LMNTD2: variants seen among roughly 807,000 people sequenced by gnomAD.
LMNTD2 encodes lamin tail domain containing 2, also known as lamin tail domain-containing protein 2.
A neutral mutation model predicts 70.1 loss-of-function variants in LMNTD2; 83 were observed. The ratio of observed to expected loss-of-function variants is 1.18; its 90% CI spans 0.99 to 1.42. The LOEUF is 1.42. Among genes scored for constraint, LMNTD2 ranks in the 40% most tolerant of loss-of-function variants. The probability of loss-of-function intolerance (pLI) is 0.00; values close to 1 mark genes in which losing one functional copy is unlikely to be tolerated. For missense variants in LMNTD2, 1,153 were observed against 905.9 expected, an observed-to-expected ratio of 1.27 and a Z score of -3.50; for synonymous variants, 534 against 406.1, an observed-to-expected ratio of 1.31 and a Z score of -3.79.
At position 555,982 on chromosome 11, in the gene LMNTD2, G is replaced by A. The variant is rs1349626456; in HGVS notation, c.1377+14C>T. ...ACCCCAGCCCCGGCCGCCCCACCGG[G>A]GACCCGCACCGACCTCGCCCTTGGG... On this transcript the variant is annotated intron_variant, in intron 11 of 13. Transcript: ENST00000329451. 4 of 1,556,788 alleles carry A rather than the reference G, an allele frequency of 2.6e-6. No homozygotes were observed. Among genetic ancestry groups the A allele is most frequent in the Admixed American group, 1.8e-5 (1 of 55,002 alleles).
chr11:559,254 C>A (rs1206234779), intron 1 of LMNTD2: 2 of 1,495,146 alleles, frequency 1.3e-6, no homozygotes, highest in Non-Finnish European at 1.8e-6. Context: ...GCGTGTACCC[C>A]TGCCACCCAG....
rs750826002 is a variant in LMNTD2, at chr11:556,216, C to G, written c.1233G>C (p.Leu411=). The change falls in exon 10 of 14, where the codon CTG becomes CTC. Residue 411 remains leucine, a synonymous_variant. Coordinates refer to ENST00000329451, the MANE Select transcript of LMNTD2 (RefSeq NM_173573.3). ...CCGTGACGTGGTGCCGCGGGGCCAG[C>G]AGCGTGCCCGGCGGGAAGCGGTACA... is the stretch of plus-strand genomic sequence containing the variant. ...ERLYRFPPGT[L]LAPRHHVTVW... is the part of the protein sequence containing the mutation. 1 of 1,485,874 alleles carries G rather than the reference C, an allele frequency of 6.7e-7. No homozygotes were observed. Among genetic ancestry groups the G allele is most frequent in the South Asian group, 1.3e-5 (1 of 78,894 alleles). 92.0% of individuals were successfully genotyped at this position (1,485,874 alleles called of 1,614,324 possible). A position where few individuals can be genotyped will look rare whatever the true frequency, so the allele number is the denominator to read the frequency against.
In LMNTD2 at chr11:556,883, A is replaced by G. The variant is rs188149380; in HGVS notation, c.928T>C (p.Ser310Pro). 1.8e-4 allele frequency: 289 copies of G among 1,594,830 alleles called. 3 individuals carry two copies. The Admixed American group carries it at 4.9e-3, about 27-fold the overall frequency. Reference protein sequence around the residue: ...GHPPRDHRASSEQALVQAGSY... With the variant: ...GHPPRDHRASPEQALVQAGSY... ...CCGGCCTGCACCAGCGCTTGCTCGG[A>G]GGAAGCGCGGTGGTCCCGGGGCGGG... The change falls in exon 8 of 14, where the codon TCC (serine) becomes CCC (proline). Residue 310 changes from serine to proline, a missense_variant. Coordinates refer to ENST00000329451, the MANE Select transcript of LMNTD2 (RefSeq NM_173573.3).
rs1461064850 is a variant in LMNTD2, at chr11:555,762, C to T, written c.1546G>A (p.Glu516Lys). 6.9e-6 allele frequency: 10 copies of T among 1,442,904 alleles called. No homozygotes were observed. Among genetic ancestry groups the T allele is most frequent in the Admixed American group, 6.5e-5 (2 of 30,630 alleles). The allele number at this position is 1,442,904 out of a possible 1,614,324, so 89.4% of individuals were successfully genotyped here. ...GGTCTCCGGCGACTGACCCGGGGCT[C>T]CCGCACCCGGCCTTTGCGCAGGGGT... ...PRPLRKGRVR[E>K]PRVSRRRPGT... Residue 516 changes from glutamate (E) to lysine (K), a missense_variant, in exon 12 of 14, where the codon GAG becomes AAG. Transcript: ENST00000329451.
rs946116515 is a variant in LMNTD2 at position 556,641 on chromosome 11, G to A, written c.977-53C>T. On this transcript the variant is annotated intron_variant, in intron 8 of 13. Transcript: ENST00000329451. ...GGACCCTCGAATGGAGTCCCCACCG[G>A]ATGTTCCCCGTGAGGTCAGAACAGG... The A allele has an allele frequency of 2.8e-6, 4 of 1,440,750 alleles. No individual in the cohort carries two copies. In the African/African-American group the frequency reaches 4.3e-5, roughly 15 times the overall value. The allele number at this position is 1,440,750 out of a possible 1,614,324, so 89.2% of individuals were successfully genotyped here. A position where few individuals can be genotyped will look rare whatever the true frequency, so the allele number is the denominator to read the frequency against.
rs758028595 is a variant in LMNTD2, at chr11:556,520, C to T, written c.1045G>A (p.Asp349Asn). 6.4e-7 allele frequency: 1 copy of T among 1,556,268 alleles called. No homozygotes were observed. Among genetic ancestry groups the T allele is most frequent in the East Asian group, 2.4e-5 (1 of 41,528 alleles). ...TGCAGGAGTTCCGGGCTCCAGTGGT[C>T]CGGGTCTGTGCAGGGCTGGGGCGAC... ...VLSPQPCTDPDHWSPELLQSP... is the reference protein window; with the variant it reads ...VLSPQPCTDPNHWSPELLQSP... The change falls in exon 9 of 14, where the codon GAC (aspartate) becomes AAC (asparagine). Residue 349 changes from aspartate (D) to asparagine (N), a missense_variant. Asp to Asn is a conservative substitution (Grantham distance 23). Coordinates refer to ENST00000329451, the MANE Select transcript of LMNTD2 (RefSeq NM_173573.3).
Position 556,967 on chromosome 11 carries a change from C to CAGCG in LMNTD2, c.840_843dup (p.Asp282ArgfsTer2), listed in dbSNP as rs1564816466. On this transcript the variant is annotated frameshift_variant, in exon 8 of 14. Coordinates refer to ENST00000329451, the MANE Select transcript of LMNTD2 (RefSeq NM_173573.3). LOFTEE classifies it high-confidence loss of function. ...GGCCGGCAGCTGCTGGAGTCGGAGT[C>CAGCG]AGCGCCCCCTGAGCTGCTGGTGTTC... 1 of 1,605,802 alleles carries CAGCG rather than the reference C, an allele frequency of 6.2e-7. No individual in the cohort carries two copies. The highest frequency in any genetic ancestry group is 1.7e-5 in the Admixed American group (1 of 59,684).
intron 6 of LMNTD2, 37 bp downstream of exon 6, chr11:557,535 C>T: frequency 6.2e-7 from 1 of 1,613,466 alleles, no homozygotes; most frequent in Non-Finnish European, 8.5e-7. Flanking sequence ...CGCAGGGCTC[C>T]AGATACCAGA....
Position 556,337 on chromosome 11 carries a change from T to C in LMNTD2, c.1112A>G (p.Glu371Gly). 19 of 1,535,790 alleles carry C rather than the reference T, an allele frequency of 1.2e-5. No homozygotes were observed. Among genetic ancestry groups the C allele is most frequent in the Non-Finnish European group, 1.7e-5 (19 of 1,146,506 alleles). Residue 371 changes from glutamate to glycine, a missense_variant, in exon 10 of 14, where the codon GAG becomes GGG. Glu to Gly is a moderately conservative substitution (Grantham distance 98, BLOSUM62 -2). Coordinates refer to ENST00000329451, the MANE Select transcript of LMNTD2 (RefSeq NM_173573.3). Reference protein sequence around the residue: ...GLKIVAVSCREKFVRIFNPSQ... With the variant: ...GLKIVAVSCRGKFVRIFNPSQ... ...CGGGTTGAAGATGCGGACGAACTTCTCCCGGCAGCTCACAGCCACGATCTT... is the reference window on the plus strand; with the variant it reads ...CGGGTTGAAGATGCGGACGAACTTCCCCCGGCAGCTCACAGCCACGATCTT...
chr11:558,274 CCCCA>C, intron 3 of LMNTD2, 26 bp from the exon 4 acceptor site: 19 of 1,608,056 alleles, frequency 1.2e-5, no homozygotes, highest in Non-Finnish European at 1.5e-5. Flanking sequence ...CCTCAGCAGC[CCCCA>C]CCCTGCTCAG....
chr11:560,497 C>T (rs1589835673), intron 1 of LMNTD2, 186 bp downstream of exon 1: 1 of 1,261,036 alleles, frequency 7.9e-7, no homozygotes, highest in Non-Finnish European at 1.0e-6. Context: ...CCTGCGCGTC[C>T]AGACTACTGC....
In LMNTD2 at chr11:557,382, C is replaced by T. The variant is rs1290073201; in HGVS notation, c.713+17G>A. The T allele has an allele frequency of 6.3e-7, 1 of 1,581,944 alleles. No homozygotes were observed. Among genetic ancestry groups the T allele is most frequent in the Non-Finnish European group, 8.6e-7 (1 of 1,163,324 alleles). On this transcript the variant is annotated intron_variant, in intron 7 of 13. Transcript: ENST00000329451. ...CTCCCTTCTGGCCCCTGGGGAGTCC[C>T]TGCTCTGTGCAGTTACTTTTGCTTT...
At position 556,081 on chromosome 11, in the gene LMNTD2, G is replaced by A. The variant is rs1207302540; in HGVS notation, c.1292C>T (p.Pro431Leu). The A allele has an allele frequency of 6.5e-7, 1 of 1,538,578 alleles. No homozygotes were observed. Among genetic ancestry groups the A allele is most frequent in the Non-Finnish European group, 8.7e-7 (1 of 1,153,748 alleles). Residue 431 changes from proline (P) to leucine (L), a missense_variant, in exon 11 of 14, where the codon CCG becomes CTG. By Grantham distance (98) the Pro-to-Leu change is moderately conservative (BLOSUM62 -3). Transcript: ENST00000329451. ...CTCCCGGCTCGAGGACGCGCGCAGC[G>A]GCTTCTTGGCGCTGCGGGTCGCCTC... ...WGEATRSAKK[P>L]LRASSSREPV...
At chr11:556,782 G>A (rs763357604) in intron 8 of LMNTD2, 53 bp downstream of exon 8, 2 of 1,493,228 alleles carry the variant, frequency 1.3e-6, no homozygotes, top group Non-Finnish European at 1.8e-6. Flanking sequence ...TCACAGCTCT[G>A]AGGGGGTGGA....
In LMNTD2 at chr11:557,422, G is replaced by A. The variant is rs1172894476; in HGVS notation, c.690C>T (p.Asn230=). 3.1e-6 allele frequency: 5 copies of A among 1,608,378 alleles called. No homozygotes were observed. Among genetic ancestry groups the A allele is most frequent in the Non-Finnish European group, 3.4e-6 (4 of 1,177,306 alleles). Residue 230 remains asparagine (N), a synonymous_variant, in exon 7 of 14, where the codon AAC becomes AAT. Transcript: ENST00000329451. ...VARRYPNLFT[N]MEPSSKQKQP... ...ACTTTTGCTTTGAGCTGGGCTCCATGTTGGTGAAGAGGTTGGGATACCGGC... is the reference window on the plus strand; with the variant it reads ...ACTTTTGCTTTGAGCTGGGCTCCATATTGGTGAAGAGGTTGGGATACCGGC...
chr11:555,034 G>A lies in LMNTD2; in HGVS notation c.1851C>T (p.Gly617=). Residue 617 remains glycine (G), a synonymous_variant, in exon 14 of 14, where the codon GGC becomes GGT. Coordinates refer to ENST00000329451, the MANE Select transcript of LMNTD2 (RefSeq NM_173573.3). The stretch of plus-strand genomic sequence containing the variant: ...CCGGCAGGCAGCTGAGGAAGCGGAA[G>A]CCGAATCTGCTCTCCGCCGTGTTCT... ...SVQNTAESRF[G]FRFLSCLPVT... is the part of the protein sequence containing the mutation. The A allele has an allele frequency of 1.9e-6, 3 of 1,594,060 alleles. No homozygotes were observed. Among genetic ancestry groups the A allele is most frequent in the Non-Finnish European group, 2.6e-6 (3 of 1,173,358 alleles).
rs1185181045 is a variant in LMNTD2, at chr11:556,290, G to T, written c.1159C>A (p.Leu387Met). ...AGCTGCTTCAGCACCATGCCGCTCA[G>T]GTCGGCCGTGCTCTCCTGCGACGGG... The part of the protein sequence containing the change: ...FNPSQESTAD[L>M]SGMVLKQLVR... Residue 387 changes from leucine (L) to methionine (M), a missense_variant, in exon 10 of 14, where the codon CTG becomes ATG. Leu to Met is a conservative substitution (Grantham distance 15, BLOSUM62 2). Coordinates refer to ENST00000329451, the MANE Select transcript of LMNTD2 (RefSeq NM_173573.3). 1 of 1,535,516 alleles carries T rather than the reference G, an allele frequency of 6.5e-7. No individual in the cohort carries two copies. Among genetic ancestry groups the T allele is most frequent in the Admixed American group, 2.0e-5 (1 of 50,988 alleles).
At chr11:559,027 C>A in intron 1 of LMNTD2, 48 bp from the exon 2 acceptor site, 2 of 1,585,500 alleles carry the variant, frequency 1.3e-6, no homozygotes, top group East Asian at 2.2e-5. Flanking sequence ...AACCTCCTGG[C>A]CAGACTTGGG....
Position 560,701 on chromosome 11 carries a change from G to T in LMNTD2, c.16C>A (p.Pro6Thr). 1 of 1,442,480 alleles carries T rather than the reference G, an allele frequency of 6.9e-7. No individual in the cohort carries two copies. 89.4% of individuals were successfully genotyped at this position (1,442,480 alleles called of 1,614,324 possible). A position where few individuals can be genotyped will look rare whatever the true frequency, so the allele number is the denominator to read the frequency against. ...CACCTACCCCGACGCCTGCCCGCGG[G>T]CCGCAGCCACCGCATTTCCGCGTTT... MRWLR[P>T]AGRRREQESV... Residue 6 changes from proline to threonine, a missense_variant, in exon 1 of 14, where the codon CCC becomes ACC. Transcript: ENST00000329451.
Sources: gnomAD v4.1 joint callset for allele counts on GRCh38, gnomAD v4.1.1 for gene constraint, MANE v1.5 for transcripts, NCBI Gene and HGNC (gene_info 2026-07-23, HGNC 2026-07-21) for gene names.